Variants in CCDC18 observed in about 807,000 individuals in gnomAD.
CCDC18 encodes coiled-coil domain-containing protein 18.
CCDC18 carries 157 observed loss-of-function variants against 196.0 expected under a neutral mutation model. That is an observed-to-expected ratio of 0.80 (90% confidence interval 0.70 to 0.91). The LOEUF is 0.91. CCDC18 is among the 40% of genes least tolerant of loss of function. CCDC18 has a pLI of 0.00. For synonymous variants in CCDC18, 482 were observed against 529.2 expected (o/e 0.91, Z 1.22); for missense variants, 1,465 against 1,611.6 (o/e 0.91, Z 1.56).
chr1:93,183,979 G>T lies in CCDC18; in HGVS notation c.136G>T (p.Val46Phe). 6.6e-7 allele frequency: 1 copy of T among 1,526,642 alleles called. No individual in the cohort carries two copies. The highest frequency in any genetic ancestry group is 8.9e-7 in the Non-Finnish European group (1 of 1,129,722). The allele number at this position is 1,526,642 out of a possible 1,614,324, so 94.6% of individuals were successfully genotyped here. The change falls in exon 3 of 29, where the codon GTT becomes TTT. Residue 46 changes from valine to phenylalanine, a missense_variant and splice_region_variant. Coordinates refer to ENST00000690025, the MANE Select transcript of CCDC18 (RefSeq NM_001378204.1). ...LQSLGEELSS[V>F]SPSENSDYAP... is the part of the protein sequence containing the mutation. Reference sequence around the variant, plus strand: ...ATATGTTTTTTCTTTTTTCTCTAGTGTTAGTCCAAGTGAAAATTCTGATTA... The same window carrying T: ...ATATGTTTTTTCTTTTTTCTCTAGTTTTAGTCCAAGTGAAAATTCTGATTA...
intron 27 of CCDC18, among the ~76,000 whole-genome samples, chr1:93,268,233 G>A (rs780114173): frequency 2.0e-5 from 3 of 152,130 alleles, no homozygotes; most frequent in Non-Finnish European, 4.4e-5. Flanking sequence ...ATGTAGAAAG[G>A]TGAAACTGGA....
chr1:93,247,338 T>C (rs1268590862), intron 23 of CCDC18, among the ~76,000 whole-genome samples: 1 of 152,230 alleles, frequency 6.6e-6, no homozygotes, highest in Non-Finnish European at 1.5e-5. Context: ...TTTTAGTGTA[T>C]AGAAATGCTA....
At chr1:93,269,624 T>C (rs1290182496) in intron 27 of CCDC18, 1 of 152,104 alleles carries the variant, frequency 6.6e-6, no homozygotes, top group African/African-American at 2.4e-5. Flanking sequence ...GAAATATATA[T>C]CTTATGGATA....
chr1:93,271,124 A>G (rs1435859946), intron 28 of CCDC18: 3 of 984,288 alleles, frequency 3.0e-6, no homozygotes, highest in East Asian at 1.1e-4. Flanking sequence ...ATGGTAAGAA[A>G]TATGCAGTGA....
intron 11 of CCDC18, among the ~76,000 whole-genome samples, chr1:93,213,284 G>A (rs1387023646): frequency 6.6e-6 from 1 of 151,958 alleles, no homozygotes; most frequent in Non-Finnish European, 1.5e-5. Context: ...AGTTTGATAC[G>A]TTTTGTCAGG....
intron 7 of CCDC18, among the ~76,000 whole-genome samples, chr1:93,202,498 A>T (rs967905390): frequency 6.6e-6 from 1 of 152,172 alleles, no homozygotes; most frequent in African/African-American, 2.4e-5. Context: ...TGAAATGTGT[A>T]TGGAGGAACA....
chr1:93,205,576 C>T lies in CCDC18; in HGVS notation c.862C>T (p.Gln288Ter), dbSNP rs541826652. ...TNCEKENKRL[Q>*]ERCGLYKSEL... ...CTGTGAAAAAGAAAATAAAAGGCTA[C>T]AAGAAAGGTGTGGTCTATATAAAAG... Residue 288 changes from glutamine (Q) to a stop codon, truncating the protein, a stop_gained, in exon 8 of 29, where the codon CAA becomes TAA. Coordinates refer to ENST00000690025, the MANE Select transcript of CCDC18 (RefSeq NM_001378204.1). LOFTEE classifies it high-confidence loss of function. 3.8e-5 allele frequency: 60 copies of T among 1,595,204 alleles called. 1 individual carries two copies. The South Asian group carries it at 6.7e-4, about 18-fold the overall frequency.
chr1:93,265,268 C>T (rs1016056903), intron 27 of CCDC18, among the ~76,000 whole-genome samples: 5 of 151,980 alleles, frequency 3.3e-5, no homozygotes, highest in African/African-American at 1.2e-4. Context: ...TTCAGGAGGC[C>T]GAGGTGGGCA....
intron 18 of CCDC18, among the ~76,000 whole-genome samples, 187 bp from the exon 19 acceptor site, chr1:93,236,061 A>G (rs765602412): frequency 2.6e-5 from 4 of 152,222 alleles, no homozygotes; most frequent in Non-Finnish European, 5.9e-5. Context: ...TTCCCTAAAT[A>G]GTAATATGTA....
intron 6 of CCDC18, among the ~76,000 whole-genome samples, chr1:93,198,641 T>G (rs1401621230): frequency 2.6e-5 from 4 of 152,104 alleles, no homozygotes; most frequent in African/African-American, 4.8e-5. Context: ...ACAGAAGATA[T>G]GTATAGTCTT....
rs185662692 is a variant in CCDC18, at chr1:93,243,674, C to T, written c.2982-2431C>T. ...GCTTAGAAATTTCTTCCACCAGATA[C>T]GCTAAATCATCTCTCCGAAGTTCAA... On this transcript the variant is annotated intron_variant, in intron 21 of 28. Coordinates refer to ENST00000690025, the MANE Select transcript of CCDC18 (RefSeq NM_001378204.1). Among the ~76,000 whole-genome samples the T allele has an allele frequency of 3.0e-3, 450 of 152,288 alleles. 2 individuals are homozygous for T. The highest frequency in any genetic ancestry group is 0.01 in the African/African-American group (424 of 41,562).
Position 93,254,941 on chromosome 1 carries a change from C to CTTTTTTTTT in CCDC18, c.3342+348_3342+356dup, listed in dbSNP as rs34139452. Among the ~76,000 whole-genome samples, 8 of 44,290 alleles carry CTTTTTTTTT rather than the reference C, an allele frequency of 1.8e-4. 1 individual carries two copies. Among genetic ancestry groups the CTTTTTTTTT allele is most frequent in the South Asian group, 1.4e-3 (1 of 732 alleles). 29.1% of individuals were successfully genotyped at this position (44,290 alleles called of 152,430 possible). A position where few individuals can be genotyped will look rare whatever the true frequency, so the allele number is the denominator to read the frequency against. ...CTATGTAATAGAATTGAGGAGTCAG[C>CTTTTTTTTT]TTTTTTTTTTTTTTTTTTTTTTTTT... On this transcript the variant is annotated intron_variant, in intron 24 of 28. Coordinates refer to ENST00000690025, the MANE Select transcript of CCDC18 (RefSeq NM_001378204.1).
In CCDC18 at chr1:93,207,517, A is replaced by G. The variant is rs910623131; in HGVS notation, c.1209+119A>G. 12 of 708,946 alleles carry G rather than the reference A, an allele frequency of 1.7e-5. No homozygotes were observed. The African/African-American group carries it at 2.2e-4, about 13-fold the overall frequency. 43.9% of individuals were successfully genotyped at this position (708,946 alleles called of 1,614,324 possible). ...TTTCTTTTTCTCTATACTTTTAGTC[A>G]TGAATTTCTCTTCTGTCTAAATCTC... On this transcript the variant is annotated intron_variant, in intron 9 of 28. Coordinates refer to ENST00000690025, the MANE Select transcript of CCDC18 (RefSeq NM_001378204.1).
rs749547604 is a variant in CCDC18, at chr1:93,184,093, G to C, written c.250G>C (p.Val84Leu). The C allele has an allele frequency of 6.4e-7, 1 of 1,569,134 alleles. No homozygotes were observed. The highest frequency in any genetic ancestry group is 1.4e-5 in the African/African-American group (1 of 73,720). The change falls in exon 3 of 29, where the codon GTC (valine) becomes CTC (leucine). Residue 84 changes from valine to leucine, a missense_variant. Physicochemically the swap from Val to Leu is conservative, Grantham distance 32. Transcript: ENST00000690025. The part of the protein sequence containing the change: ...GLLNYSPYEN[V>L]CKISGSSTDF... ...TTTGAATTATTCACCTTATGAAAAC[G>C]TCTGTAAAATATCTGGTAGCAGCAC... is the stretch of plus-strand genomic sequence containing the variant.
Position 93,231,772 on chromosome 1 carries a change from T to C in CCDC18, c.2293-654T>C, listed in dbSNP as rs181408358. On this transcript the variant is annotated intron_variant, in intron 17 of 28. Transcript: ENST00000690025. ...TATTGTCATTCCTTTATGTGTTTTT[T>C]TGTAGCATAAATATTCAGCAGTGCT... Among the ~76,000 whole-genome samples, 413 of 152,358 alleles carry C rather than the reference T, an allele frequency of 2.7e-3. 2 individuals are homozygous for C. Among genetic ancestry groups the C allele is most frequent in the Admixed American group, 5.8e-3 (89 of 15,308 alleles).
chr1:93,208,919 C>T (rs1655164888), intron 9 of CCDC18, among the ~76,000 whole-genome samples: 1 of 151,990 alleles, frequency 6.6e-6, no homozygotes, highest in Admixed American at 6.6e-5. Context: ...CTGCCTTGGC[C>T]TCCCAAACTG....
chr1:93,196,921 G>A (rs962143425), intron 6 of CCDC18, among the ~76,000 whole-genome samples: 2 of 152,122 alleles, frequency 1.3e-5, no homozygotes, highest in Admixed American at 6.6e-5. Flanking sequence ...GCTTACTGGT[G>A]TTCATTGACC....
At chr1:93,195,571 A>G (rs1336442477) in intron 6 of CCDC18, among the ~76,000 whole-genome samples, 1 of 152,160 alleles carries the variant, frequency 6.6e-6, no homozygotes, top group Non-Finnish European at 1.5e-5. Context: ...GAGGTGGGGC[A>G]TTTTAGAGGT....
chr1:93,211,240 T>G (rs1486790021), intron 10 of CCDC18, among the ~76,000 whole-genome samples: 1 of 147,704 alleles, frequency 6.8e-6, no homozygotes, highest in East Asian at 2.0e-4. Context: ...ATAGTGCCAC[T>G]GCACTCCAGC....
Sources: allele counts gnomAD v4.1 joint callset (sites outside exome capture counted in the v4.1 genomes callset), GRCh38; gene constraint gnomAD v4.1.1; transcripts MANE v1.5; gene names NCBI Gene and HGNC (gene_info 2026-07-23, HGNC 2026-07-21).